Variants in BMPER observed in about 807,000 individuals in gnomAD.
The protein encoded by BMPER is BMP-binding endothelial regulator protein.
BMPER carries 45 observed loss-of-function variants against 87.3 expected under a neutral mutation model. The ratio of observed to expected loss-of-function variants is 0.52; its 90% CI spans 0.41 to 0.66. The LOEUF is 0.66. BMPER is among the 30% of genes least tolerant of loss of function. The pLI is 0.00. For missense variants in BMPER, 784 were observed against 867.5 expected, an observed-to-expected ratio of 0.90 and a Z score of 1.21; for synonymous variants, 326 against 316.2, an observed-to-expected ratio of 1.03 and a Z score of -0.33.
At chr7:33,995,821 A>T (rs79202108) in intron 6 of BMPER, among the ~76,000 whole-genome samples, 1,771 of 152,278 alleles carry the variant, frequency 0.012, 26 homozygotes, top group African/African-American at 0.037. Context: ...AGAGTCTTAC[A>T]GTCAGGGGCC....
chr7:33,937,496 G>A (rs943008909), intron 3 of BMPER, 108 bp downstream of exon 3: 23 of 1,041,680 alleles, frequency 2.2e-5, no homozygotes, highest in Non-Finnish European at 3.3e-5. Flanking sequence ...GTGCACATGG[G>A]TGGGGAGGAG....
intron 13 of BMPER, among the ~76,000 whole-genome samples, chr7:34,100,926 G>A (rs1411098418): frequency 1.3e-5 from 2 of 152,264 alleles, no homozygotes; most frequent in Admixed American, 1.3e-4. Flanking sequence ...CTGGCATGAG[G>A]TTTAGATCCT....
chr7:34,081,434 G>A (rs1164103215), intron 12 of BMPER, among the ~76,000 whole-genome samples: 2 of 152,218 alleles, frequency 1.3e-5, no homozygotes, highest in Non-Finnish European at 2.9e-5. Flanking sequence ...TTGACCCTGC[G>A]GTTTATGTGC....
At position 34,153,402 on chromosome 7, in the gene BMPER, A is replaced by G. The variant is rs961172250; in HGVS notation, c.*129A>G. ...ACACACACAGAGTATATATGTGTAT[A>G]TATATATAGATATATTCAAAAACAT... is the stretch of plus-strand genomic sequence containing the variant. On this transcript the variant is annotated 3_prime_UTR_variant, in exon 15 of 15. Transcript: ENST00000649409. 1 of 810,072 alleles carries G rather than the reference A, an allele frequency of 1.2e-6. No individual in the cohort carries two copies. The highest frequency in any genetic ancestry group is 2.7e-5 in the East Asian group (1 of 37,196). The allele number at this position is 810,072 out of a possible 1,614,324, so 50.2% of individuals were successfully genotyped here. A position where few individuals can be genotyped will look rare whatever the true frequency, so the allele number is the denominator to read the frequency against.
chr7:34,096,066 A>G (rs895256271), intron 13 of BMPER, among the ~76,000 whole-genome samples: 20 of 152,324 alleles, frequency 1.3e-4, no homozygotes, highest in Admixed American at 1.2e-3. Flanking sequence ...AGCAAGGCCT[A>G]GTGGCTCTTG....
At chr7:34,011,350 G>T (rs1338615458) in intron 6 of BMPER, among the ~76,000 whole-genome samples, 1 of 151,710 alleles carries the variant, frequency 6.6e-6, no homozygotes, top group Non-Finnish European at 1.5e-5. Context: ...TAGCAAGGAC[G>T]AGGAATAATG....
intron 6 of BMPER, among the ~76,000 whole-genome samples, chr7:34,015,879 A>G (rs560132824): frequency 2.2e-4 from 34 of 152,020 alleles, no homozygotes; most frequent in Middle Eastern, 3.4e-3. Flanking sequence ...CTCCTGAAAA[A>G]TAACATATGT....
intron 6 of BMPER, among the ~76,000 whole-genome samples, chr7:34,041,014 CAA>C (rs1787818913): frequency 6.6e-6 from 1 of 152,156 alleles, no homozygotes; most frequent in Non-Finnish European, 1.5e-5. Context: ...AGGGAAGACA[CAA>C]GAGACGTCTA....
At chr7:34,084,748 G>T (rs1789153040) in intron 12 of BMPER, among the ~76,000 whole-genome samples, 2 of 152,274 alleles carry the variant, frequency 1.3e-5, no homozygotes, top group South Asian at 4.1e-4. Flanking sequence ...TCTATGCTGT[G>T]TGACAGCATA....
intron 6 of BMPER, among the ~76,000 whole-genome samples, chr7:34,017,886 C>A (rs960972248): frequency 4.6e-5 from 7 of 151,564 alleles, no homozygotes; most frequent in African/African-American, 1.7e-4. Context: ...TTTAACCTTA[C>A]CACCACCTGT....
chr7:34,150,819 C>T (rs73095091), intron 14 of BMPER, among the ~76,000 whole-genome samples: 35,525 of 152,054 alleles, frequency 0.23, 5,404 homozygotes, highest in Admixed American at 0.41. Flanking sequence ...AACAGTGTTC[C>T]CCTCTAGTAG....
chr7:33,921,899 G>A (rs925688001), intron 2 of BMPER: 12 of 466,000 alleles, frequency 2.6e-5, no homozygotes, highest in South Asian at 9.3e-5. Flanking sequence ...CAGGTGAAGC[G>A]GGATCCAGCT....
rs764111003 is a variant in BMPER at position 34,085,882 on chromosome 7, A to G, written c.1535A>G (p.Asp512Gly). 5.6e-6 allele frequency: 9 copies of G among 1,614,120 alleles called. No homozygotes were observed. Among genetic ancestry groups the G allele is most frequent in the Non-Finnish European group, 6.8e-6 (8 of 1,180,026 alleles). The change falls in exon 13 of 15, where the codon GAT becomes GGT. Residue 512 changes from aspartate to glycine, a missense_variant. Transcript: ENST00000649409. ...GHKRDDLIGG[D>G]GNFKFDVDDF... ...AAACGTGATGACTTAATTGGTGGAG[A>G]TGGAAACTTCAAGTTTGATGTGGAT...
At chr7:33,941,960 G>C (rs1784778267) in intron 3 of BMPER, among the ~76,000 whole-genome samples, 1 of 152,076 alleles carries the variant, frequency 6.6e-6, no homozygotes, top group East Asian at 1.9e-4. Flanking sequence ...TGCTCACCAG[G>C]CTGTGTGGTC....
rs559876341 is a variant in BMPER at position 33,905,806 on chromosome 7, G to A, written c.133+60G>A. On this transcript the variant is annotated intron_variant, in intron 1 of 14. Coordinates refer to ENST00000649409, the MANE Select transcript of BMPER (RefSeq NM_001365308.1). ...GACGCCGGTTTGGTACCTGGGAAAG[G>A]TGGCGCTGGCTTGCCCCGGGGATGG... 5.3e-4 allele frequency: 790 copies of A among 1,493,324 alleles called. 10 individuals are homozygous for A. In the Admixed American group the frequency reaches 0.013, roughly 25 times the overall value. The allele number at this position is 1,493,324 out of a possible 1,614,324, so 92.5% of individuals were successfully genotyped here. A position where few individuals can be genotyped will look rare whatever the true frequency, so the allele number is the denominator to read the frequency against.
chr7:33,996,379 C>T (rs536982586), intron 6 of BMPER, among the ~76,000 whole-genome samples: 5 of 152,252 alleles, frequency 3.3e-5, no homozygotes, highest in Admixed American at 1.3e-4. Context: ...TGCTTAAATT[C>T]ACTCTTTAGG....
At chr7:33,956,547 C>A (rs955786973) in intron 3 of BMPER, among the ~76,000 whole-genome samples, 1 of 152,084 alleles carries the variant, frequency 6.6e-6, no homozygotes, top group Non-Finnish European at 1.5e-5. Flanking sequence ...AGTGTCCCTG[C>A]CTCTCCTGTC....
intron 2 of BMPER, among the ~76,000 whole-genome samples, chr7:33,932,998 G>A (rs1285911287): frequency 6.6e-6 from 1 of 152,106 alleles, no homozygotes; most frequent in East Asian, 1.9e-4. Context: ...TACTCCCAAG[G>A]CTCTGGCAGT....
intron 4 of BMPER, among the ~76,000 whole-genome samples, chr7:33,969,393 A>AATTT (rs1237920144): frequency 2.6e-5 from 4 of 152,012 alleles, no homozygotes; most frequent in Non-Finnish European, 4.4e-5. Context: ...TGACTCACTT[A>AATTT]ATTTATTTAT....
Sources: allele counts gnomAD v4.1 joint callset (sites outside exome capture counted in the v4.1 genomes callset), GRCh38; gene constraint gnomAD v4.1.1; transcripts MANE v1.5; gene names NCBI Gene and HGNC (gene_info 2026-07-23, HGNC 2026-07-21).